HBEGF: variants seen among roughly 807,000 people sequenced by gnomAD.
HBEGF encodes proheparin-binding EGF-like growth factor.
In HBEGF, 8 loss-of-function variants were observed where a neutral mutation model predicts 19.5. The observed-to-expected ratio is 0.41, with a 90% confidence interval of 0.24 to 0.74. The LOEUF (loss-of-function observed/expected upper bound fraction) is 0.74, where lower values mean the gene tolerates loss of function less well. HBEGF is among the 30% of genes least tolerant of loss of function. HBEGF has a pLI of 0.32. For synonymous variants in HBEGF, 97 were observed against 108.9 expected (o/e 0.89, Z 0.68); for missense variants, 207 against 256.9 (o/e 0.81, Z 1.33).
At chr5:140,341,309 T>C (rs2126718453) in intron 3 of HBEGF, among the ~76,000 whole-genome samples, 1 of 152,306 alleles carries the variant, frequency 6.6e-6, no homozygotes, top group African/African-American at 2.4e-5. Context: ...TATAGACAGA[T>C]TCCTGACCTC....
chr5:140,337,909 T>TATC (rs1322544094), intron 3 of HBEGF, among the ~76,000 whole-genome samples: 2 of 152,216 alleles, frequency 1.3e-5, no homozygotes, highest in Non-Finnish European at 2.9e-5. Flanking sequence ...CCACTAGCCT[T>TATC]ATCTACTAGC....
At chr5:140,337,078 G>A (rs1226061979) in intron 3 of HBEGF, among the ~76,000 whole-genome samples, 2 of 151,914 alleles carry the variant, frequency 1.3e-5, no homozygotes, top group Admixed American at 6.6e-5. Context: ...TGATCCACCC[G>A]CCTCTGCCTC....
At chr5:140,343,050 TCA>T in intron 2 of HBEGF, 2 of 520,294 alleles carry the variant, frequency 3.8e-6, no homozygotes, top group African/African-American at 3.8e-5. Context: ...GGAAGGCATT[TCA>T]CAGTCTCTGT....
At chr5:140,334,423 GA>G in intron 5 of HBEGF, 143 bp from the exon 6 acceptor site, 1 of 508,422 alleles carries the variant, frequency 2.0e-6, no homozygotes. Context: ...GAGGGGAAGG[GA>G]GGGGATGAGG....
chr5:140,345,509 G>A (rs1025711774), intron 2 of HBEGF, among the ~76,000 whole-genome samples: 1 of 152,262 alleles, frequency 6.6e-6, no homozygotes, highest in Non-Finnish European at 1.5e-5. Flanking sequence ...GGGCATCTCC[G>A]CATGTGTTAC....
At chr5:140,340,015 G>A (rs1766284043) in intron 3 of HBEGF, among the ~76,000 whole-genome samples, 1 of 152,170 alleles carries the variant, frequency 6.6e-6, no homozygotes, top group South Asian at 2.1e-4. Flanking sequence ...CCCAGGAAGT[G>A]GTGGCCCACG....
intron 3 of HBEGF, among the ~76,000 whole-genome samples, chr5:140,340,958 A>G (rs188006263): frequency 4.1e-4 from 62 of 152,322 alleles, no homozygotes; most frequent in Middle Eastern, 3.4e-3. Context: ...TAGAGGTACC[A>G]AGTCCTGCCT....
intron 5 of HBEGF, 55 bp downstream of exon 5, chr5:140,334,603 G>T: frequency 8.1e-7 from 1 of 1,235,994 alleles, no homozygotes; most frequent in South Asian, 1.2e-5. Context: ...CTGAAGCACA[G>T]CCAGGAAAGG....
At chr5:140,343,120 C>A in intron 2 of HBEGF, 1 of 327,156 alleles carries the variant, frequency 3.1e-6, no homozygotes, top group African/African-American at 2.1e-5. Context: ...CTACCAACCT[C>A]ACCTCCACCC....
chr5:140,346,171 C>T lies in HBEGF; in HGVS notation c.47-87G>A, dbSNP rs1669511686. On this transcript the variant is annotated intron_variant, in intron 1 of 5. Transcript: ENST00000230990. This position sits in a 1 kb window ranked among gnomAD's most constrained non-coding sequence, Gnocchi z 6.1. The stretch of plus-strand genomic sequence containing the variant: ...ATGCCGACGCCCGTCCGCCAGAGCG[C>T]AAGGGCCCCACCAAGTGGCCCGTGC... 1.3e-6 allele frequency: 2 copies of T among 1,558,480 alleles called. No homozygotes were observed. The highest frequency in any genetic ancestry group is 1.4e-5 in the African/African-American group (1 of 73,444).
In HBEGF at chr5:140,346,097, G is replaced by A; in HGVS notation, c.47-13C>T. Reference sequence around the variant, plus strand: ...AGTGCCGAGAGAACTGCGGGCGAGAGGCCAGGCCGCATCAGACACCCGCCC... The same window carrying A: ...AGTGCCGAGAGAACTGCGGGCGAGAAGCCAGGCCGCATCAGACACCCGCCC... On this transcript the variant is annotated splice_polypyrimidine_tract_variant and intron_variant, in intron 1 of 5. Coordinates refer to ENST00000230990, the MANE Select transcript of HBEGF (RefSeq NM_001945.3). The surrounding 1 kb of genome is among the most constrained non-coding windows in gnomAD (Gnocchi z 6.1). 1 of 1,607,572 alleles carries A rather than the reference G, an allele frequency of 6.2e-7. No homozygotes were observed. The highest frequency in any genetic ancestry group is 1.1e-5 in the South Asian group (1 of 90,814).
rs1766191666 is a variant in HBEGF at position 140,334,039 on chromosome 5, G to C, written c.*260C>G. On this transcript the variant is annotated 3_prime_UTR_variant, in exon 6 of 6. Transcript: ENST00000230990. The stretch of plus-strand genomic sequence containing the variant: ...AACTTATGAGGGGAAGTGGGGTTTG[G>C]TGGAGGGGAATCAGAAGGGCATGAA... The C allele has an allele frequency of 6.5e-6, 1 of 152,688 alleles. No homozygotes were observed. Among genetic ancestry groups the C allele is most frequent in the Non-Finnish European group, 1.5e-5 (1 of 68,120 alleles). 9.5% of individuals were successfully genotyped at this position (152,688 alleles called of 1,614,324 possible).
rs764409233 is a variant in HBEGF at position 140,346,109 on chromosome 5, T to TC, written c.47-26dup. On this transcript the variant is annotated intron_variant, in intron 1 of 5. Coordinates refer to ENST00000230990, the MANE Select transcript of HBEGF (RefSeq NM_001945.3). The surrounding 1 kb of genome is among the most constrained non-coding windows in gnomAD (Gnocchi z 6.1). ...ACTGCGGGCGAGAGGCCAGGCCGCA[T>TC]CAGACACCCGCCCAGACCCCTGACC... 12 of 1,602,982 alleles carry TC rather than the reference T, an allele frequency of 7.5e-6. No homozygotes were observed. The East Asian group carries it at 2.7e-4, about 36-fold the overall frequency.
intron 4 of HBEGF, 32 bp from the exon 5 acceptor site, chr5:140,334,780 GC>G: frequency 6.5e-7 from 1 of 1,528,416 alleles, no homozygotes; most frequent in Non-Finnish European, 9.1e-7. Flanking sequence ...AATAAGCCCT[GC>G]CTGCTATGAC....
chr5:140,338,624 A>T (rs1456462711), intron 3 of HBEGF, among the ~76,000 whole-genome samples: 1 of 152,136 alleles, frequency 6.6e-6, no homozygotes, highest in East Asian at 1.9e-4. Context: ...TAATGTAAAC[A>T]TCCTAATATT....
At chr5:140,343,791 A>G (rs1227592486) in intron 2 of HBEGF, among the ~76,000 whole-genome samples, 1 of 152,216 alleles carries the variant, frequency 6.6e-6, no homozygotes, top group Non-Finnish European at 1.5e-5. Context: ...CAGAAGGGTA[A>G]GCATGATACG....
At chr5:140,345,540 T>C (rs1223769971) in intron 2 of HBEGF, among the ~76,000 whole-genome samples, 1 of 152,172 alleles carries the variant, frequency 6.6e-6, no homozygotes, top group Non-Finnish European at 1.5e-5. Context: ...TATATAATAG[T>C]CATTTGATAT....
At chr5:140,345,807 T>G (rs544328062) in intron 2 of HBEGF, 104 bp downstream of exon 2, 5 of 1,412,634 alleles carry the variant, frequency 3.5e-6, no homozygotes, top group East Asian at 2.3e-5. Context: ...AGGTTCTCCA[T>G]GAATACCCTC....
chr5:140,343,295 G>T (rs1374029779), intron 2 of HBEGF, among the ~76,000 whole-genome samples: 1 of 152,140 alleles, frequency 6.6e-6, no homozygotes, highest in Non-Finnish European at 1.5e-5. Context: ...GAGGTTCTGG[G>T]GTTGGAGGGC....
Sources: allele counts gnomAD v4.1 joint callset (sites outside exome capture counted in the v4.1 genomes callset), GRCh38; gene constraint gnomAD v4.1.1; non-coding constraint Gnocchi (gnomAD v3.1); transcripts MANE v1.5; gene names NCBI Gene and HGNC (gene_info 2026-07-23, HGNC 2026-07-21).